The following CDC7 variants were observed in gnomAD, a reference collection of about 807,000 sequenced individuals.
The protein encoded by CDC7 is cell division cycle 7-related protein kinase.
A neutral mutation model predicts 53.5 loss-of-function variants in CDC7; 34 were observed. The observed-to-expected ratio is 0.64, with a 90% CI of 0.48 to 0.85. CDC7 has a LOEUF of 0.85. Ranked by LOEUF, CDC7 falls within the 40% of genes least tolerant of loss-of-function variation. The probability of loss-of-function intolerance (pLI) is 0.00; values close to 1 mark genes in which losing one functional copy is unlikely to be tolerated. For synonymous variants in CDC7, 211 were observed against 222.8 expected (o/e 0.95, Z 0.47); for missense variants, 594 against 679.7 (o/e 0.87, Z 1.40).
In CDC7 at chr1:91,514,052, T is replaced by C. The variant is rs765725228; in HGVS notation, c.918+9T>C. The stretch of plus-strand genomic sequence containing the variant: ...AGAGCCCTGCAGTGAAAGTAAGTAA[T>C]GTAGCTTAATAGCATAATGGTCAGT... On this transcript the variant is annotated intron_variant, in intron 8 of 11. Coordinates refer to ENST00000234626, the MANE Select transcript of CDC7 (RefSeq NM_003503.4). The C allele has an allele frequency of 1.3e-6, 2 of 1,539,322 alleles. No individual in the cohort carries two copies. Among genetic ancestry groups the C allele is most frequent in the East Asian group, 2.3e-5 (1 of 44,376 alleles).
At chr1:91,522,921 CAGAA>C (rs1248564625) in intron 11 of CDC7, among the ~76,000 whole-genome samples, 4 of 152,242 alleles carry the variant, frequency 2.6e-5, no homozygotes, top group East Asian at 3.9e-4. Flanking sequence ...TCTACATTCT[CAGAA>C]AGGCATCTAA....
At position 91,508,302 on chromosome 1, in the gene CDC7, A is replaced by AG; in HGVS notation, c.241dup (p.Val81GlyfsTer4). The AG allele has an allele frequency of 6.2e-7, 1 of 1,612,456 alleles. No individual in the cohort carries two copies. The highest frequency in any genetic ancestry group is 8.5e-7 in the Non-Finnish European group (1 of 1,179,014). On this transcript the variant is annotated frameshift_variant, in exon 4 of 12. Transcript: ENST00000234626. LOFTEE classifies it high-confidence loss of function. Reference sequence around the variant, plus strand: ...TTTATTTGGCCACAGCACAGTTACAAGTAGGACCTGAAGAGAAAATTGCTC... The same window carrying AG: ...TTTATTTGGCCACAGCACAGTTACAAGGTAGGACCTGAAGAGAAAATTGCTC...
rs779021530 is a variant in CDC7 at position 91,520,252 on chromosome 1, G to A, written c.1303G>A (p.Glu435Lys). The change falls in exon 11 of 12, where the codon GAA becomes AAA. Residue 435 changes from glutamate (E) to lysine (K), a missense_variant. Coordinates refer to ENST00000234626, the MANE Select transcript of CDC7 (RefSeq NM_003503.4). ...AATTATGACAATTAGGGGATCCAGA[G>A]AAACTATCCAAGCTGCTAAAACTTT... ...AQIMTIRGSR[E>K]TIQAAKTFGK... 1.2e-6 allele frequency: 2 copies of A among 1,604,320 alleles called. No individual in the cohort carries two copies. Among genetic ancestry groups the A allele is most frequent in the South Asian group, 1.1e-5 (1 of 88,770 alleles).
chr1:91,508,295 A>T lies in CDC7; in HGVS notation c.233A>T (p.Gln78Leu). 6.2e-7 allele frequency: 1 copy of T among 1,611,556 alleles called. No individual in the cohort carries two copies. The highest frequency in any genetic ancestry group is 8.5e-7 in the Non-Finnish European group (1 of 1,178,670). Residue 78 changes from glutamine (Q) to leucine (L), a missense_variant, in exon 4 of 12, where the codon CAG becomes CTG. Transcript: ENST00000234626. ...AGCTCTGTTTATTTGGCCACAGCAC[A>T]GTTACAAGTAGGACCTGAAGAGAAA... ...TFSSVYLATA[Q>L]LQVGPEEKIA...
chr1:91,512,357 G>A (rs1450578618), intron 6 of CDC7, among the ~76,000 whole-genome samples: 2 of 151,650 alleles, frequency 1.3e-5, no homozygotes, highest in Non-Finnish European at 2.9e-5. Flanking sequence ...TACATTATTA[G>A]ATGTACTATG....
At position 91,525,480 on chromosome 1, in the gene CDC7, G is replaced by T. The variant is rs1345288126; in HGVS notation, c.*1045G>T. ...AGATAGAGGTTTATATTCAGAAATG[G>T]TATATATCAATGACAGCATATCAAA... On this transcript the variant is annotated 3_prime_UTR_variant, in exon 12 of 12. Coordinates refer to ENST00000234626, the MANE Select transcript of CDC7 (RefSeq NM_003503.4). The T allele has an allele frequency of 3.3e-5, 5 of 152,206 alleles. No individual in the cohort carries two copies. The highest frequency in any genetic ancestry group is 9.6e-5 in the African/African-American group (4 of 41,546). The allele number at this position is 152,206 out of a possible 1,614,324, so 9.4% of individuals were successfully genotyped here. A position where few individuals can be genotyped will look rare whatever the true frequency, so the allele number is the denominator to read the frequency against.
At chr1:91,501,887 T>G in intron 2 of CDC7, 56 bp downstream of exon 2, 1 of 1,232,618 alleles carries the variant, frequency 8.1e-7, no homozygotes. Context: ...GCAACAATTC[T>G]GTGTTTTCAA....
At position 91,510,190 on chromosome 1, in the gene CDC7, G is replaced by A. The variant is rs539457238; in HGVS notation, c.336-1407G>A. On this transcript the variant is annotated intron_variant, in intron 4 of 11. Coordinates refer to ENST00000234626, the MANE Select transcript of CDC7 (RefSeq NM_003503.4). ...CGATCACTCCATTGCACTCCATCCAGCCTGGTCAACAAAACAAGACCCTGC... is the reference window on the plus strand; with the variant it reads ...CGATCACTCCATTGCACTCCATCCAACCTGGTCAACAAAACAAGACCCTGC... Among the ~76,000 whole-genome samples the A allele has an allele frequency of 2.0e-5, 3 of 150,830 alleles. No homozygotes were observed. In the South Asian group the frequency reaches 6.3e-4, roughly 32 times the overall value.
intron 7 of CDC7, 22 bp from the exon 8 acceptor site, chr1:91,513,926 C>T (rs1667418501): frequency 6.5e-7 from 1 of 1,536,306 alleles, no homozygotes; most frequent in African/African-American, 1.4e-5. Context: ...CCTTATTTTC[C>T]TTGTTTTTGT....
At chr1:91,501,052 C>T (rs1391331706) in intron 1 of CDC7, 104 bp downstream of exon 1, 1 of 152,256 alleles carries the variant, frequency 6.6e-6, no homozygotes, top group African/African-American at 2.4e-5. Context: ...CTTTTCCCGC[C>T]CCCCTTCGGA....
At chr1:91,505,757 A>G (rs899314565) in intron 2 of CDC7, among the ~76,000 whole-genome samples, 5 of 152,204 alleles carry the variant, frequency 3.3e-5, no homozygotes, top group Non-Finnish European at 5.9e-5. Flanking sequence ...TTTGGTTGCC[A>G]GGAAGTTTTA....
chr1:91,524,567 A>G lies in CDC7; in HGVS notation c.*132A>G. 1 of 683,134 alleles carries G rather than the reference A, an allele frequency of 1.5e-6. No individual in the cohort carries two copies. Among genetic ancestry groups the G allele is most frequent in the South Asian group, 2.1e-5 (1 of 48,044 alleles). 42.3% of individuals were successfully genotyped at this position (683,134 alleles called of 1,614,324 possible). On this transcript the variant is annotated 3_prime_UTR_variant, in exon 12 of 12. Transcript: ENST00000234626. ...TTTTAACATTTTAGTGTTTGGTGGC[A>G]CATTCTAAAATATAGATTAAGAATA...
intron 7 of CDC7, among the ~76,000 whole-genome samples, 191 bp from the exon 8 acceptor site, chr1:91,513,757 A>G (rs1416859777): frequency 2.0e-5 from 3 of 152,136 alleles, no homozygotes; most frequent in Admixed American, 6.5e-5. Flanking sequence ...CTATGATAAC[A>G]TTGTATGGGT....
chr1:91,501,700 A>C lies in CDC7; in HGVS notation c.-17A>C, dbSNP rs936981828. On this transcript the variant is annotated 5_prime_UTR_variant, in exon 2 of 12. Coordinates refer to ENST00000234626, the MANE Select transcript of CDC7 (RefSeq NM_003503.4). The stretch of plus-strand genomic sequence containing the variant: ...TGTAACCCCTTAGCTGGCATTTTGC[A>C]TCTCAATTGGCTTGTGATGGAGGCG... 6.3e-7 allele frequency: 1 copy of C among 1,590,948 alleles called. No individual in the cohort carries two copies. The highest frequency in any genetic ancestry group is 1.7e-5 in the Admixed American group (1 of 59,560).
At chr1:91,511,118 A>G (rs368167845) in intron 4 of CDC7, among the ~76,000 whole-genome samples, 8 of 152,044 alleles carry the variant, frequency 5.3e-5, no homozygotes, top group South Asian at 2.1e-4. Flanking sequence ...TGGTATCTCT[A>G]TTGTTTTCTT....
chr1:91,520,173 TA>T lies in CDC7; in HGVS notation c.1225del (p.Ser409ValfsTer13). On this transcript the variant is annotated frameshift_variant, in exon 11 of 12. Transcript: ENST00000234626. LOFTEE classifies it high-confidence loss of function. ...SAGVIFLSLL[S>X]GRYPFYKASD... ...CAGGTGTCATATTTCTTTCTTTGCT[TA>T]GTGGACGATATCCATTTTATAAAGC... The T allele has an allele frequency of 6.2e-7, 1 of 1,609,528 alleles. No individual in the cohort carries two copies. Among genetic ancestry groups the T allele is most frequent in the Non-Finnish European group, 8.5e-7 (1 of 1,177,914 alleles).
intron 2 of CDC7, among the ~76,000 whole-genome samples, chr1:91,502,764 T>G (rs1373739067): frequency 6.6e-6 from 1 of 152,212 alleles, no homozygotes; most frequent in Non-Finnish European, 1.5e-5. Flanking sequence ...TTAATTTCCT[T>G]ACACTTTGTT....
In CDC7 at chr1:91,524,571, T is replaced by G; in HGVS notation, c.*136T>G. ...AACATTTTAGTGTTTGGTGGCACAT[T>G]CTAAAATATAGATTAAGAATACTTA... On this transcript the variant is annotated 3_prime_UTR_variant, in exon 12 of 12. Transcript: ENST00000234626. 4.5e-6 allele frequency: 3 copies of G among 664,820 alleles called. No homozygotes were observed. The highest frequency in any genetic ancestry group is 7.5e-6 in the Non-Finnish European group (3 of 400,796). 41.2% of individuals were successfully genotyped at this position (664,820 alleles called of 1,614,324 possible). A position where few individuals can be genotyped will look rare whatever the true frequency, so the allele number is the denominator to read the frequency against.
intron 4 of CDC7, among the ~76,000 whole-genome samples, chr1:91,509,789 C>T (rs1667180555): frequency 6.6e-6 from 1 of 152,156 alleles, no homozygotes; most frequent in African/African-American, 2.4e-5. Flanking sequence ...TGCCTATCTT[C>T]CCACCTCCCT....
Sources: allele counts gnomAD v4.1 joint callset (sites outside exome capture counted in the v4.1 genomes callset), GRCh38; gene constraint gnomAD v4.1.1; transcripts MANE v1.5; gene names NCBI Gene and HGNC (gene_info 2026-07-23, HGNC 2026-07-21).